OPCML: variants seen among roughly 807,000 people sequenced by gnomAD.
OPCML encodes the protein opioid-binding protein/cell adhesion molecule.
OPCML carries 13 observed loss-of-function variants against 37.8 expected under a neutral mutation model. That is an observed-to-expected ratio of 0.34 (90% confidence interval 0.22 to 0.55). The LOEUF is 0.55. OPCML is among the 20% of genes least tolerant of loss of function. The pLI, the probability that OPCML is intolerant of heterozygous loss-of-function variation, is 0.91. For missense variants in OPCML, 341 were observed against 435.6 expected (o/e 0.78, Z 1.93); for synonymous variants, 176 against 168.8 (o/e 1.04, Z -0.33).
intron 3 of OPCML, among the ~76,000 whole-genome samples, chr11:132,551,278 G>C (rs1227768355): frequency 2.6e-5 from 4 of 152,174 alleles, no homozygotes; most frequent in Non-Finnish European, 5.9e-5. Context: ...AATTGTAATT[G>C]AGACAGTGAA....
At chr11:132,703,545 C>T (rs564369784) in intron 2 of OPCML, among the ~76,000 whole-genome samples, 69 of 152,350 alleles carry the variant, frequency 4.5e-4, no homozygotes, top group Non-Finnish European at 7.9e-4. Context: ...TCATTTCCCA[C>T]TCAGTCTGTC....
chr11:132,919,526 T>G (rs1269790252), intron 2 of OPCML, among the ~76,000 whole-genome samples: 1 of 152,150 alleles, frequency 6.6e-6, no homozygotes, highest in Non-Finnish European at 1.5e-5. Flanking sequence ...TGAGCTAGAA[T>G]CACAGAAAGC....
intron 1 of OPCML, among the ~76,000 whole-genome samples, chr11:133,184,820 A>G (rs1274230273): frequency 6.6e-6 from 1 of 152,220 alleles, no homozygotes; most frequent in Non-Finnish European, 1.5e-5. Context: ...ATATATGGAA[A>G]TCTTTTCCTA....
intron 1 of OPCML, among the ~76,000 whole-genome samples, chr11:133,250,406 AGAAG>A (rs1047407558): frequency 4.6e-5 from 7 of 151,230 alleles, no homozygotes; most frequent in African/African-American, 9.7e-5. Context: ...GAAGGAAAGA[AGAAG>A]GAAGGAAGGA....
At chr11:133,108,687 A>G (rs150118224) in intron 1 of OPCML, among the ~76,000 whole-genome samples, 4 of 152,054 alleles carry the variant, frequency 2.6e-5, no homozygotes, top group African/African-American at 9.7e-5. Flanking sequence ...TCTTCTGTTC[A>G]TTGTCTGCAA....
At chr11:132,574,395 A>G (rs781381100) in intron 3 of OPCML, among the ~76,000 whole-genome samples, 1 of 151,266 alleles carries the variant, frequency 6.6e-6, no homozygotes, top group Admixed American at 6.6e-5. Context: ...TGCATTTATC[A>G]CTATGAACTT....
chr11:133,299,170 T>C (rs570317948), intron 1 of OPCML: 2 of 152,360 alleles, frequency 1.3e-5, no homozygotes, highest in East Asian at 3.9e-4. Flanking sequence ...AAATGGTGGC[T>C]GTTTCTACCT....
chr11:133,359,792 G>C (rs536719725), intron 1 of OPCML, among the ~76,000 whole-genome samples: 30 of 152,108 alleles, frequency 2.0e-4, no homozygotes, highest in African/African-American at 7.0e-4. Context: ...TGTTATCCTC[G>C]GTATTTAGCG....
In OPCML at chr11:132,580,623, A is replaced by G. The variant is rs989678384; in HGVS notation, c.380-51437T>C. On this transcript the variant is annotated intron_variant, in intron 3 of 7. Coordinates refer to ENST00000524381, the MANE Select transcript of OPCML (RefSeq NM_001012393.5). The stretch of plus-strand genomic sequence containing the variant: ...CTTTTGCCTTTCTTGCTTAGTAATT[A>G]TCTAATACTAATACTTTCAGCACAC... 2.6e-5 allele frequency among the ~76,000 whole-genome samples: 4 copies of G among 152,192 alleles called. No homozygotes were observed. The South Asian group carries it at 8.3e-4, about 31-fold the overall frequency.
At chr11:132,570,755 G>GTATATATATATATATATATATA (rs71477765) in intron 3 of OPCML, among the ~76,000 whole-genome samples, 2 of 30,102 alleles carry the variant, frequency 6.6e-5, no homozygotes, top group African/African-American at 1.1e-4. Flanking sequence ...AGGAAAGAGA[G>GTATATATATATATATATATATA]TATATATATA....
Position 132,477,187 on chromosome 11 carries a change from C to T in OPCML, c.506-39828G>A, listed in dbSNP as rs140600591. 1.4e-4 allele frequency among the ~76,000 whole-genome samples: 22 copies of T among 152,216 alleles called. No individual in the cohort carries two copies. The East Asian group carries it at 4.3e-3, about 29-fold the overall frequency. ...AGGACTCAGAGCCAGAGTGAGTTGC[C>T]CAAGATGGCTCTTGAAGCCAAGTCC... On this transcript the variant is annotated intron_variant, in intron 4 of 7. Coordinates refer to ENST00000524381, the MANE Select transcript of OPCML (RefSeq NM_001012393.5).
chr11:133,021,751 C>G (rs919463647), intron 1 of OPCML, among the ~76,000 whole-genome samples: 1 of 17,448 alleles, frequency 5.7e-5, no homozygotes, highest in Non-Finnish European at 8.8e-5. Context: ...TTGCTCACAC[C>G]GCCAATACTG....
chr11:132,749,977 G>C (rs1945775854), intron 2 of OPCML, among the ~76,000 whole-genome samples: 1 of 152,098 alleles, frequency 6.6e-6, no homozygotes, highest in African/African-American at 2.4e-5. Context: ...CTGCCTCCAG[G>C]GTTCAAGTGA....
chr11:133,182,298 G>C (rs1937869305), intron 1 of OPCML, among the ~76,000 whole-genome samples: 1 of 152,130 alleles, frequency 6.6e-6, no homozygotes, highest in African/African-American at 2.4e-5. Context: ...CCATTCCATT[G>C]ATTTCTTATT....
chr11:132,992,948 C>T (rs767427908), intron 1 of OPCML, among the ~76,000 whole-genome samples: 1 of 152,160 alleles, frequency 6.6e-6, no homozygotes, highest in African/African-American at 2.4e-5. Context: ...CAGGTGCCCC[C>T]ACTCTTGCTC....
intron 1 of OPCML, among the ~76,000 whole-genome samples, chr11:133,392,267 T>A (rs1267096729): frequency 6.6e-6 from 1 of 152,148 alleles, no homozygotes; most frequent in Non-Finnish European, 1.5e-5. Flanking sequence ...GGTATTTATA[T>A]AAGATCACAC....
intron 2 of OPCML, among the ~76,000 whole-genome samples, chr11:132,854,198 A>G (rs1941946265): frequency 1.3e-5 from 2 of 152,206 alleles, no homozygotes; most frequent in Admixed American, 1.3e-4. Context: ...TTTAAAGGAT[A>G]CAAATAGGCA....
chr11:133,002,124 A>T (rs975244476), intron 1 of OPCML, among the ~76,000 whole-genome samples: 2 of 152,184 alleles, frequency 1.3e-5, no homozygotes, highest in African/African-American at 2.4e-5. Flanking sequence ...TAAAATAAAA[A>T]CAAAAGCCCT....
Position 132,942,879 on chromosome 11 carries a change from C to G in OPCML, c.146+47G>C, listed in dbSNP as rs773976326. 5 of 1,583,806 alleles carry G rather than the reference C, an allele frequency of 3.2e-6. No homozygotes were observed. The Admixed American group carries it at 5.1e-5, about 16-fold the overall frequency. On this transcript the variant is annotated intron_variant, in intron 2 of 7. Transcript: ENST00000524381. ...GCCCCCTCTTCCCTCCTCTCCCCAG[C>G]GACCACAGCCCAGGGGCTCGGCCCC...
Sources: allele counts gnomAD v4.1 joint callset (sites outside exome capture counted in the v4.1 genomes callset), GRCh38; gene constraint gnomAD v4.1.1; transcripts MANE v1.5; gene names NCBI Gene and HGNC (gene_info 2026-07-23, HGNC 2026-07-21).